BRWD1: variants seen among roughly 807,000 people sequenced by gnomAD.
BRWD1 encodes bromodomain and WD repeat domain containing 1.
Under a neutral mutation model 251.2 loss-of-function variants are expected in BRWD1, and 82 were observed. That is an observed-to-expected ratio of 0.33 (90% CI 0.27 to 0.39). The LOEUF (loss-of-function observed/expected upper bound fraction) is 0.39, where lower values mean the gene tolerates loss of function less well. Among genes scored for constraint, BRWD1 ranks in the 10% least tolerant of loss-of-function variants. BRWD1 has a pLI of 1.00. For missense variants in BRWD1, 2,233 were observed against 2,711.6 expected (o/e 0.82, Z 3.92); for synonymous variants, 918 against 902.8 (o/e 1.02, Z -0.30).
In BRWD1 at chr21:39,265,148, G is replaced by A; in HGVS notation, c.1531-129C>T. ...AAAAAAAAAAAAAAGTTTCAGCCAGGCATGGTGGCTCATACCTGTAATCCT... is the reference window on the plus strand; with the variant it reads ...AAAAAAAAAAAAAAGTTTCAGCCAGACATGGTGGCTCATACCTGTAATCCT... On this transcript the variant is annotated intron_variant, in intron 15 of 40. Transcript: ENST00000342449. The A allele has an allele frequency of 4.0e-6, 4 of 999,466 alleles. No individual in the cohort carries two copies. In the South Asian group the frequency reaches 7.4e-5, roughly 19 times the overall value. 61.9% of individuals were successfully genotyped at this position (999,466 alleles called of 1,614,324 possible).
At chr21:39,243,716 G>A (rs1245719992) in intron 21 of BRWD1, among the ~76,000 whole-genome samples, 3 of 152,072 alleles carry the variant, frequency 2.0e-5, no homozygotes, top group African/African-American at 4.8e-5. Context: ...CTCCCAAAGT[G>A]CTGAGAATTA....
chr21:39,250,408 G>A (rs1027384893), intron 20 of BRWD1, among the ~76,000 whole-genome samples: 1 of 151,556 alleles, frequency 6.6e-6, no homozygotes, highest in Non-Finnish European at 1.5e-5. Flanking sequence ...GCAAGACATT[G>A]AAAAAAATGA....
chr21:39,187,746 C>G lies in BRWD1; in HGVS notation c.*8513G>C. On this transcript the variant is annotated 3_prime_UTR_variant, in exon 41 of 41. Transcript: ENST00000342449. ...CATAATTTGAATTACTAAATCTTAACTTCATTGTTCCAGTATTTTCTGACC... is the reference window on the plus strand; with the variant it reads ...CATAATTTGAATTACTAAATCTTAAGTTCATTGTTCCAGTATTTTCTGACC... The G allele has an allele frequency of 1.0e-6, 1 of 984,708 alleles. No homozygotes were observed. The highest frequency in any genetic ancestry group is 1.2e-6 in the Non-Finnish European group (1 of 829,382). The allele number at this position is 984,708 out of a possible 1,614,324, so 61.0% of individuals were successfully genotyped here.
rs763703331 is a variant in BRWD1, at chr21:39,236,684, T to C, written c.2677A>G (p.Ser893Gly). The change falls in exon 23 of 41, where the codon AGT becomes GGT. Residue 893 changes from serine to glycine, a missense_variant. Coordinates refer to ENST00000342449, the MANE Select transcript of BRWD1 (RefSeq NM_033656.4). ...GTAGATATTTCATCTTCTGAACTAC[T>C]ACAAAATCGAGTAATTCGTCGACGA... ...SCRRRITRFCSSSEDEISTEN... is the reference protein window; with the variant it reads ...SCRRRITRFCGSSEDEISTEN... The C allele has an allele frequency of 3.1e-6, 5 of 1,614,058 alleles. No individual in the cohort carries two copies. The highest frequency in any genetic ancestry group is 2.2e-5 in the East Asian group (1 of 44,884).
At chr21:39,291,543 C>T (rs1220591251) in intron 8 of BRWD1, among the ~76,000 whole-genome samples, 1 of 152,156 alleles carries the variant, frequency 6.6e-6, no homozygotes, top group African/African-American at 2.4e-5. Context: ...ACCACCCCCA[C>T]TGGCCTATAC....
In BRWD1 at chr21:39,194,855, G is replaced by T; in HGVS notation, c.*1404C>A. The T allele has an allele frequency of 6.5e-7, 1 of 1,532,762 alleles. No homozygotes were observed. The highest frequency in any genetic ancestry group is 1.7e-4 in the Middle Eastern group (1 of 5,972). 94.9% of individuals were successfully genotyped at this position (1,532,762 alleles called of 1,614,324 possible). A position where few individuals can be genotyped will look rare whatever the true frequency, so the allele number is the denominator to read the frequency against. On this transcript the variant is annotated 3_prime_UTR_variant, in exon 41 of 41. Transcript: ENST00000342449. ...ACTTCAAAGATACACAGGAGAAAAGGGTTAATTTTGTCTGAAATCAAACAC... is the reference window on the plus strand; with the variant it reads ...ACTTCAAAGATACACAGGAGAAAAGTGTTAATTTTGTCTGAAATCAAACAC...
At chr21:39,258,003 G>A (rs780305699) in intron 18 of BRWD1, among the ~76,000 whole-genome samples, 1 of 152,136 alleles carries the variant, frequency 6.6e-6, no homozygotes, top group Non-Finnish European at 1.5e-5. Flanking sequence ...TATTGGACTA[G>A]AAACAAAGTA....
intron 19 of BRWD1, among the ~76,000 whole-genome samples, chr21:39,251,684 G>C (rs972155943): frequency 5.9e-5 from 9 of 152,246 alleles, no homozygotes; most frequent in Non-Finnish European, 1.3e-4. Flanking sequence ...TTTATCCAGC[G>C]GGGATTTCTA....
At chr21:39,241,252 G>C (rs1297375471) in intron 21 of BRWD1, among the ~76,000 whole-genome samples, 2 of 151,496 alleles carry the variant, frequency 1.3e-5, no homozygotes, top group African/African-American at 4.8e-5. Context: ...GATCACTTGA[G>C]GTCAGGAGTT....
chr21:39,278,718 G>GA, intron 10 of BRWD1, 25 bp downstream of exon 10: 2 of 1,531,776 alleles, frequency 1.3e-6, no homozygotes, highest in East Asian at 2.3e-5. Context: ...AAAAAACTAA[G>GA]AAAAAAATGT....
In BRWD1 at chr21:39,218,514, A is replaced by T. The variant is rs78530668; in HGVS notation, c.3529T>A (p.Leu1177Met). 2 of 1,575,832 alleles carry T rather than the reference A, an allele frequency of 1.3e-6. No homozygotes were observed. The highest frequency in any genetic ancestry group is 2.8e-5 in the African/African-American group (2 of 72,460). The change falls in exon 30 of 41, where the codon TTG becomes ATG. Residue 1177 changes from leucine to methionine, a missense_variant. By Grantham distance (15) the Leu-to-Met change is conservative. Coordinates refer to ENST00000342449, the MANE Select transcript of BRWD1 (RefSeq NM_033656.4). The stretch of plus-strand genomic sequence containing the variant: ...AAAATAAAAAACTTACCAAGATTCA[A>T]AAGTTGATCTATACCACTGATAATT... Reference protein sequence around the residue: ...DRIISGIDQLLNLDIAAAFAG... With the variant: ...DRIISGIDQLMNLDIAAAFAG...
At chr21:39,248,641 C>CAAAAAAAA (rs375430016) in intron 20 of BRWD1, among the ~76,000 whole-genome samples, 24 of 83,296 alleles carry the variant, frequency 2.9e-4, no homozygotes, top group East Asian at 8.0e-4. Flanking sequence ...CCCTATCTCC[C>CAAAAAAAA]AAAAAAAAAA....
At chr21:39,214,982 C>T (rs142893816) in intron 32 of BRWD1, among the ~76,000 whole-genome samples, 3,186 of 151,524 alleles carry the variant, frequency 0.021, 63 homozygotes, top group Non-Finnish European at 0.028. Context: ...ACCACCACCT[C>T]CTGGGTTCAA....
rs780989144 is a variant in BRWD1 at position 39,295,918 on chromosome 21, C to T, written c.449-15G>A. On this transcript the variant is annotated splice_polypyrimidine_tract_variant and intron_variant, in intron 6 of 40. Coordinates refer to ENST00000342449, the MANE Select transcript of BRWD1 (RefSeq NM_033656.4). ...ATGTATCTCCACTAGGAAATAAAAA[C>T]AATGAAAATGGTTAAGGGAGAGCCA... 3 of 1,561,938 alleles carry T rather than the reference C, an allele frequency of 1.9e-6. No homozygotes were observed. Among genetic ancestry groups the T allele is most frequent in the Admixed American group, 3.7e-5 (2 of 53,430 alleles).
Position 39,187,528 on chromosome 21 carries a change from A to G in BRWD1, c.*8731T>C. The G allele has an allele frequency of 1.4e-6, 2 of 1,408,170 alleles. No individual in the cohort carries two copies. Among genetic ancestry groups the G allele is most frequent in the Non-Finnish European group, 9.2e-7 (1 of 1,085,504 alleles). The allele number at this position is 1,408,170 out of a possible 1,614,324, so 87.2% of individuals were successfully genotyped here. On this transcript the variant is annotated 3_prime_UTR_variant, in exon 41 of 41. Coordinates refer to ENST00000342449, the MANE Select transcript of BRWD1 (RefSeq NM_033656.4). ...TTCGGAAACAATAAATTTAAAAGTC[A>G]TATTGCTAAATGATAAATTTTAAAA... is the stretch of plus-strand genomic sequence containing the variant.
chr21:39,272,309 TA>T (rs1224051854), intron 13 of BRWD1, among the ~76,000 whole-genome samples: 3,931 of 132,884 alleles, frequency 0.03, 104 homozygotes, highest in South Asian at 0.045. Context: ...CTTAAATAAA[TA>T]AAAAAAAAAA....
intron 21 of BRWD1, among the ~76,000 whole-genome samples, chr21:39,245,224 C>T (rs1259790689): frequency 6.6e-6 from 1 of 151,972 alleles, no homozygotes; most frequent in Non-Finnish European, 1.5e-5. Flanking sequence ...GCCTACGCAA[C>T]AGAGCAAGAC....
At chr21:39,306,956 T>C (rs144567303) in intron 4 of BRWD1, among the ~76,000 whole-genome samples, 2,315 of 152,242 alleles carry the variant, frequency 0.015, 56 homozygotes, top group African/African-American at 0.053. Flanking sequence ...TGGGTTCAAG[T>C]GATTCTCCTG....
In BRWD1 at chr21:39,191,250, C is replaced by T; in HGVS notation, c.*5009G>A. ...AGGGCTCCTGACTCGCTTCAGTTCC[C>T]CTATCCAAGCTCATATGTAAAACTC... is the stretch of plus-strand genomic sequence containing the variant. On this transcript the variant is annotated 3_prime_UTR_variant, in exon 41 of 41. Transcript: ENST00000342449. The T allele has an allele frequency of 1.0e-6, 1 of 985,296 alleles. No individual in the cohort carries two copies. Among genetic ancestry groups the T allele is most frequent in the Non-Finnish European group, 1.2e-6 (1 of 829,906 alleles). The allele number at this position is 985,296 out of a possible 1,614,324, so 61.0% of individuals were successfully genotyped here.
Sources: gnomAD v4.1 joint callset for allele counts (sites outside exome capture counted in the v4.1 genomes callset) on GRCh38, gnomAD v4.1.1 for gene constraint, MANE v1.5 for transcripts, NCBI Gene and HGNC (gene_info 2026-07-23, HGNC 2026-07-21) for gene names.